The following THPO variants were observed in gnomAD, a reference collection of about 807,000 sequenced individuals.
THPO encodes MPL ligand.
A neutral mutation model predicts 17.0 loss-of-function variants in THPO; 12 were observed. The ratio of observed to expected loss-of-function variants is 0.71; its 90% CI spans 0.45 to 1.14. The LOEUF is 1.14. Among genes scored for constraint, THPO ranks in the 50% most tolerant of loss-of-function variants. The pLI is 0.00. For missense variants in THPO, 365 were observed against 427.5 expected (o/e 0.85, Z 1.29); for synonymous variants, 188 against 183.0 (o/e 1.03, Z -0.22).
At chr3:184,377,502 C>T (rs1324657209) in intron 1 of THPO, among the ~76,000 whole-genome samples, 1 of 152,190 alleles carries the variant, frequency 6.6e-6, no homozygotes. Flanking sequence ...GCCTCCCTGC[C>T]CCCTTGGCAG....
chr3:184,377,622 T>C (rs1714530399), intron 1 of THPO, among the ~76,000 whole-genome samples: 1 of 152,128 alleles, frequency 6.6e-6, no homozygotes, highest in Admixed American at 6.5e-5. Flanking sequence ...TGTAGGTCTG[T>C]CAACATGAGT....
intron 2 of THPO, 99 bp downstream of exon 2, chr3:184,376,148 T>C: frequency 2.5e-6 from 4 of 1,611,746 alleles, no homozygotes; most frequent in Non-Finnish European, 3.4e-6. Context: ...TTTGGGAGAA[T>C]GGGTTCCCCC....
chr3:184,379,167 C>T (rs972041663), upstream of THPO, among the ~76,000 whole-genome samples: 8 of 152,070 alleles, frequency 5.3e-5, no homozygotes, highest in African/African-American at 1.9e-4. Context: ...TGGAATTTTC[C>T]CGTCCAGCCA....
chr3:184,373,426 G>A lies in THPO; in HGVS notation c.385C>T (p.Leu129Phe). The change falls in exon 5 of 6, where the codon CTT becomes TTT. Residue 129 changes from leucine (L) to phenylalanine (F), a missense_variant. Physicochemically the swap from Leu to Phe is conservative, Grantham distance 22. Transcript: ENST00000647395. ...GACTGGGGACTTACCTGGGTTCCAA[G>A]GAGGCTCTGCAGGGCCCCAAGGAGG... The part of the protein sequence containing the change: ...RLLLGALQSL[L>F]GTQLPPQGRT... 6.2e-7 allele frequency: 1 copy of A among 1,614,014 alleles called. No homozygotes were observed.
chr3:184,374,040 C>T (rs1022129651), intron 4 of THPO, among the ~76,000 whole-genome samples: 1 of 152,112 alleles, frequency 6.6e-6, no homozygotes, highest in Non-Finnish European at 1.5e-5. Context: ...TCAGCCTGGC[C>T]AACATGGTGA....
chr3:184,376,887 A>C (rs1714462906), intron 1 of THPO, among the ~76,000 whole-genome samples: 2 of 151,870 alleles, frequency 1.3e-5, no homozygotes, highest in African/African-American at 4.8e-5. Context: ...AGAAAGCAAG[A>C]AAGCATATGG....
In THPO at chr3:184,372,453, G is replaced by GC. The variant is rs1226753195; in HGVS notation, c.*59dup. 1 of 1,597,110 alleles carries GC rather than the reference G, an allele frequency of 6.3e-7. No homozygotes were observed. The highest frequency in any genetic ancestry group is 8.6e-7 in the Non-Finnish European group (1 of 1,165,290). ...TCTTGTCCAGTTGTCTCCCAGGGGC[G>GC]CCCTGCAGGGAAGGGAGCTGTACAC... On this transcript the variant is annotated 3_prime_UTR_variant, in exon 6 of 6. Transcript: ENST00000647395.
intron 4 of THPO, 57 bp downstream of exon 4, chr3:184,375,458 C>T: frequency 4.6e-6 from 7 of 1,527,546 alleles, no homozygotes; most frequent in Non-Finnish European, 6.4e-6. Context: ...CCATGGGAAG[C>T]AGTGGGAAAC....
In THPO at chr3:184,372,569, T is replaced by C; in HGVS notation, c.1006A>G (p.Ser336Gly). 6.2e-7 allele frequency: 1 copy of C among 1,613,442 alleles called. No homozygotes were observed. The highest frequency in any genetic ancestry group is 8.5e-7 in the Non-Finnish European group (1 of 1,179,848). Reference protein sequence around the residue: ...DPSAPTPTPTSPLLNTSYTHS... With the variant: ...DPSAPTPTPTGPLLNTSYTHS... ...GTGTAGGATGTGTTTAGAAGAGGGC[T>C]GGTAGGGGTGGGCGTTGGAGCAGAA... The change falls in exon 6 of 6, where the codon AGC (serine) becomes GGC (glycine). Residue 336 changes from serine (S) to glycine (G), a missense_variant. Coordinates refer to ENST00000647395, the MANE Select transcript of THPO (RefSeq NM_000460.4).
Position 184,372,434 on chromosome 3 carries a change from C to A in THPO, c.*79G>T. 1.5e-5 allele frequency: 24 copies of A among 1,551,450 alleles called. No homozygotes were observed. Among genetic ancestry groups the A allele is most frequent in the Non-Finnish European group, 2.1e-5 (24 of 1,124,596 alleles). ...TTCAGGAGAAAGTAGGAAATCTTGTCCAGTTGTCTCCCAGGGGCGCCCTGC... is the reference window on the plus strand; with the variant it reads ...TTCAGGAGAAAGTAGGAAATCTTGTACAGTTGTCTCCCAGGGGCGCCCTGC... On this transcript the variant is annotated 3_prime_UTR_variant, in exon 6 of 6. Coordinates refer to ENST00000647395, the MANE Select transcript of THPO (RefSeq NM_000460.4).
Position 184,372,789 on chromosome 3 carries a change from A to T in THPO, c.786T>A (p.Pro262=). Residue 262 remains proline (P), a synonymous_variant, in exon 6 of 6, where the codon CCT becomes CCA. Coordinates refer to ENST00000647395, the MANE Select transcript of THPO (RefSeq NM_000460.4). ...CTCCTAGGGTCCTGCGTGAGGGTCC[A>T]GGAAAGAGTCCACGAGTTCCATTCA... ...ELLNGTRGLF[P]GPSRRTLGAP... 6.2e-7 allele frequency: 1 copy of T among 1,614,164 alleles called. No homozygotes were observed. The highest frequency in any genetic ancestry group is 1.1e-5 in the South Asian group (1 of 91,082).
rs1442977780 is a variant in THPO at position 184,375,973 on chromosome 3, G to T, written c.56C>A (p.Thr19Lys). Reference protein sequence around the residue: ...VVMLLLTARLTLSSPAPPACD... With the variant: ...VVMLLLTARLKLSSPAPPACD... ...AGCAGGAGGAGCCGGGCTGGACAGC[G>T]TTAGCCTTGCAGTTAGGAGAAGCAT... Residue 19 changes from threonine to lysine, a missense_variant, in exon 3 of 6, where the codon ACG (threonine) becomes AAG (lysine). By Grantham distance (78) the Thr-to-Lys change is moderately conservative. Transcript: ENST00000647395. 1 of 1,614,002 alleles carries T rather than the reference G, an allele frequency of 6.2e-7. No individual in the cohort carries two copies. The highest frequency in any genetic ancestry group is 2.2e-5 in the East Asian group (1 of 44,864).
chr3:184,373,421 T>C lies in THPO; in HGVS notation c.390A>G (p.Gly130=), dbSNP rs767329847. The change falls in exon 5 of 6, where the codon GGA becomes GGG. Residue 130 remains glycine (G), a synonymous_variant. Transcript: ENST00000647395. ...LLLGALQSLL[G]TQLPPQGRTT... Reference sequence around the variant, plus strand: ...CCCTTGACTGGGGACTTACCTGGGTTCCAAGGAGGCTCTGCAGGGCCCCAA... The same window carrying C: ...CCCTTGACTGGGGACTTACCTGGGTCCCAAGGAGGCTCTGCAGGGCCCCAA... 7 of 1,613,810 alleles carry C rather than the reference T, an allele frequency of 4.3e-6. No homozygotes were observed. In the African/African-American group the frequency reaches 9.4e-5, roughly 22 times the overall value.
At chr3:184,374,459 A>T (rs936723286) in intron 4 of THPO, among the ~76,000 whole-genome samples, 2 of 152,080 alleles carry the variant, frequency 1.3e-5, no homozygotes, top group Non-Finnish European at 2.9e-5. Flanking sequence ...TTCTAGACAC[A>T]TGTTAGTTTA....
chr3:184,378,807 G>A, upstream of THPO: 2 of 985,386 alleles, frequency 2.0e-6, no homozygotes, highest in South Asian at 9.4e-5. Flanking sequence ...TACACACACA[G>A]ACCTCTGTGC....
At chr3:184,377,744 T>C (rs142258889) in intron 1 of THPO, among the ~76,000 whole-genome samples, 7 of 152,252 alleles carry the variant, frequency 4.6e-5, no homozygotes, top group Admixed American at 2.0e-4. Context: ...AGAATGGGGA[T>C]TGGGGCTGTG....
chr3:184,378,168 C>T lies in THPO; in HGVS notation c.-239G>A, dbSNP rs1391699899. On this transcript the variant is annotated 5_prime_UTR_variant, in exon 1 of 6. Transcript: ENST00000647395. ...GACATGTGGCGGTGGGGCACAGCCC[C>T]TCCACAGCAGCAGGTCATACGCCTG... 6.1e-6 allele frequency: 6 copies of T among 985,426 alleles called. No homozygotes were observed. Among genetic ancestry groups the T allele is most frequent in the Non-Finnish European group, 7.2e-6 (6 of 830,018 alleles). 61.0% of individuals were successfully genotyped at this position (985,426 alleles called of 1,614,324 possible). A position where few individuals can be genotyped will look rare whatever the true frequency, so the allele number is the denominator to read the frequency against.
intron 1 of THPO, among the ~76,000 whole-genome samples, chr3:184,377,209 C>T (rs926806470): frequency 4.6e-5 from 7 of 152,058 alleles, no homozygotes; most frequent in African/African-American, 1.7e-4. Flanking sequence ...CTGCACAAAG[C>T]TGTAACTGGG....
Position 184,375,630 on chromosome 3 carries a change from G to A in THPO, c.142-29C>T, listed in dbSNP as rs767479755. 7 of 1,610,558 alleles carry A rather than the reference G, an allele frequency of 4.3e-6. No homozygotes were observed. In the African/African-American group the frequency reaches 8.0e-5, roughly 18 times the overall value. On this transcript the variant is annotated intron_variant, in intron 3 of 5. Transcript: ENST00000647395. ...TTGAAAAAGATTGGTGGGGGGAGAA[G>A]GGAGCTGAAATAGAGAGAGCTATGG...
Sources: allele counts gnomAD v4.1 joint callset (sites outside exome capture counted in the v4.1 genomes callset), GRCh38; gene constraint gnomAD v4.1.1; transcripts MANE v1.5; gene names NCBI Gene and HGNC (gene_info 2026-07-23, HGNC 2026-07-21).